The following EPHB1 variants were observed in gnomAD, a reference collection of about 807,000 sequenced individuals.
The protein encoded by EPHB1 is EPH receptor B1, also known as ephrin type-B receptor 1.
Under a neutral mutation model 94.4 loss-of-function variants are expected in EPHB1, and 30 were observed. The ratio of observed to expected loss-of-function variants is 0.32; its 90% confidence interval spans 0.24 to 0.43. EPHB1 has a LOEUF of 0.43. Ranked by LOEUF, EPHB1 falls within the 20% of genes least tolerant of loss-of-function variation. The pLI is 1.00. For synonymous variants in EPHB1, 522 were observed against 489.1 expected (o/e 1.07, Z -0.89); for missense variants, 1,055 against 1,308.3 (o/e 0.81, Z 2.99).
chr3:134,985,030 C>A (rs954985702), intron 3 of EPHB1, among the ~76,000 whole-genome samples: 1 of 152,108 alleles, frequency 6.6e-6, no homozygotes, highest in Non-Finnish European at 1.5e-5. Context: ...TAAGGTTTTC[C>A]GTTGAGTACT....
At chr3:135,162,210 C>T in intron 7 of EPHB1, 30 bp downstream of exon 7, 1 of 1,558,624 alleles carries the variant, frequency 6.4e-7, no homozygotes, top group Non-Finnish European at 8.7e-7. Context: ...GTGGCATAAT[C>T]ACAGGGCAGG....
chr3:135,220,032 GT>G (rs139383731), intron 12 of EPHB1, among the ~76,000 whole-genome samples: 21,975 of 152,190 alleles, frequency 0.14, 1,993 homozygotes, highest in Middle Eastern at 0.2. Context: ...ACAGGCAAGA[GT>G]TTTTTTCTAA....
chr3:135,030,450 C>G (rs555202337), intron 3 of EPHB1, among the ~76,000 whole-genome samples: 1 of 152,160 alleles, frequency 6.6e-6, no homozygotes, highest in African/African-American at 2.4e-5. Context: ...ACAGACAGGA[C>G]CCTCAGCTGC....
intron 3 of EPHB1, among the ~76,000 whole-genome samples, chr3:134,977,507 C>A (rs943281803): frequency 1.3e-5 from 2 of 152,198 alleles, no homozygotes; most frequent in Non-Finnish European, 2.9e-5. Context: ...GCCAGGACAT[C>A]CTTGTTTGTC....
At chr3:135,257,111 C>T (rs1933430622) in intron 15 of EPHB1, among the ~76,000 whole-genome samples, 1 of 149,814 alleles carries the variant, frequency 6.7e-6, no homozygotes, top group Non-Finnish European at 1.5e-5. Context: ...TCTAGTTATA[C>T]ATTCTTCTAA....
intron 1 of EPHB1, among the ~76,000 whole-genome samples, chr3:134,801,945 G>A (rs1279464738): frequency 6.6e-6 from 1 of 152,182 alleles, no homozygotes; most frequent in Non-Finnish European, 1.5e-5. Context: ...GCAGTGGGTT[G>A]GTTCTTCTTT....
intron 3 of EPHB1, among the ~76,000 whole-genome samples, chr3:134,968,740 A>G (rs954092973): frequency 6.6e-6 from 1 of 151,424 alleles, no homozygotes; most frequent in Admixed American, 6.6e-5. Flanking sequence ...TCCATCCCCC[A>G]CCCCCAGGGC....
chr3:134,930,895 A>T (rs42883), intron 2 of EPHB1, among the ~76,000 whole-genome samples: 91,331 of 152,026 alleles, frequency 0.6, 30,090 homozygotes, highest in African/African-American at 0.89. Flanking sequence ...AAGTTAAATA[A>T]CTGTTGATGT....
chr3:134,974,563 A>AC (rs138953360), intron 3 of EPHB1, among the ~76,000 whole-genome samples: 14,466 of 131,568 alleles, frequency 0.11, 813 homozygotes, highest in South Asian at 0.17. Flanking sequence ...CTGTGTCCCC[A>AC]CCCCTGCCCC....
chr3:135,032,177 C>A (rs1238447442), intron 3 of EPHB1, among the ~76,000 whole-genome samples: 3 of 151,350 alleles, frequency 2.0e-5, no homozygotes, highest in Non-Finnish European at 4.4e-5. Context: ...AACTTCTATC[C>A]ATTTTACCAG....
At chr3:135,096,451 T>A (rs1938764181) in intron 3 of EPHB1, among the ~76,000 whole-genome samples, 1 of 152,232 alleles carries the variant, frequency 6.6e-6, no homozygotes, top group African/African-American at 2.4e-5. Context: ...CCAGATTTTC[T>A]GGTTCAGTAG....
chr3:135,118,637 A>C (rs965610954), intron 4 of EPHB1, among the ~76,000 whole-genome samples: 1 of 152,216 alleles, frequency 6.6e-6, no homozygotes, highest in African/African-American at 2.4e-5. Context: ...GACCTGGCAC[A>C]AAATTAATGG....
At position 135,083,468 on chromosome 3, in the gene EPHB1, A is replaced by G. The variant is rs1385362384; in HGVS notation, c.806-22980A>G. Among the ~76,000 whole-genome samples the G allele has an allele frequency of 2.0e-5, 3 of 152,106 alleles. No homozygotes were observed. In the East Asian group the frequency reaches 5.9e-4, roughly 30 times the overall value. On this transcript the variant is annotated intron_variant, in intron 3 of 15. Transcript: ENST00000398015. The stretch of plus-strand genomic sequence containing the variant: ...GGTTAGGGAAGCAACAGGCTTTGAG[A>G]CATTTGCCTTAGGCTGTCCACAGGA...
intron 12 of EPHB1, among the ~76,000 whole-genome samples, chr3:135,220,261 C>T (rs1314598326): frequency 6.6e-6 from 1 of 152,170 alleles, no homozygotes; most frequent in Non-Finnish European, 1.5e-5. Context: ...TCAAAGGCTG[C>T]TCTGCGGATG....
At chr3:135,258,050 CA>C (rs977888823) in intron 15 of EPHB1, among the ~76,000 whole-genome samples, 2 of 152,202 alleles carry the variant, frequency 1.3e-5, no homozygotes, top group African/African-American at 4.8e-5. Flanking sequence ...CCAAGTGAGG[CA>C]ATGCCTCACC....
intron 3 of EPHB1, among the ~76,000 whole-genome samples, chr3:134,959,930 T>A (rs1260115052): frequency 7.1e-6 from 1 of 141,016 alleles, no homozygotes; most frequent in Non-Finnish European, 1.5e-5. Flanking sequence ...GGCTGGACAG[T>A]CCCTTCCTGC....
intron 2 of EPHB1, among the ~76,000 whole-genome samples, chr3:134,936,579 CT>C (rs1015069959): frequency 3.6e-4 from 55 of 152,278 alleles, no homozygotes; most frequent in Non-Finnish European, 6.5e-4. Flanking sequence ...GCGCCCCCCC[CT>C]CCATTTGAGA....
chr3:134,804,496 A>G lies in EPHB1; in HGVS notation c.58+8807A>G, dbSNP rs189866188. 5.3e-5 allele frequency among the ~76,000 whole-genome samples: 8 copies of G among 152,196 alleles called. No homozygotes were observed. The East Asian group carries it at 9.7e-4, about 18-fold the overall frequency. Reference sequence around the variant, plus strand: ...AATGTCCATCTAGATATTGTCTTTGATAAGCTGTGTTGCTTAGATGGTTGC... The same window carrying G: ...AATGTCCATCTAGATATTGTCTTTGGTAAGCTGTGTTGCTTAGATGGTTGC... On this transcript the variant is annotated intron_variant, in intron 1 of 15. Transcript: ENST00000398015.
At chr3:134,976,360 C>T (rs370833410) in intron 3 of EPHB1, among the ~76,000 whole-genome samples, 42 of 152,318 alleles carry the variant, frequency 2.8e-4, no homozygotes, top group African/African-American at 9.6e-4. Context: ...AACAGCTCCT[C>T]ACCTGACTCA....
Sources: gnomAD v4.1 joint callset for allele counts (sites outside exome capture counted in the v4.1 genomes callset) on GRCh38, gnomAD v4.1.1 for gene constraint, MANE v1.5 for transcripts, NCBI Gene and HGNC (gene_info 2026-07-23, HGNC 2026-07-21) for gene names.